Variants in CASK observed in about 807,000 individuals in gnomAD.
CASK encodes the protein calcium/calmodulin dependent serine protein kinase.
Under a neutral mutation model 82.9 loss-of-function variants are expected in CASK, and 4 were observed. That is an observed-to-expected ratio of 0.05 (90% CI 0.02 to 0.11). The LOEUF is 0.11. CASK is among the 10% of genes least tolerant of loss of function. The pLI, the probability that CASK is intolerant of heterozygous loss-of-function variation, is 1.00. For synonymous variants in CASK, 259 were observed against 253.5 expected (o/e 1.02, Z -0.20); for missense variants, 358 against 720.9 (o/e 0.50, Z 5.76).
chrX:41,720,362 C>T (rs2068143352), intron 5 of CASK, among the ~76,000 whole-genome samples: 1 of 112,464 alleles, frequency 8.9e-6, no homozygotes, highest in Admixed American at 9.4e-5. Context: ...GCTCAGTGAG[C>T]CTTGAACAAA....
intron 1 of CASK, among the ~76,000 whole-genome samples, chrX:41,901,465 C>A (rs2072378616): frequency 9.7e-6 from 1 of 103,026 alleles, no homozygotes. Context: ...CCAGCCTGGG[C>A]AACAGAGTGA....
At chrX:41,780,237 A>C (rs2147816273) in intron 3 of CASK, among the ~76,000 whole-genome samples, 1 of 112,424 alleles carries the variant, frequency 8.9e-6, no homozygotes, top group Admixed American at 9.5e-5. Context: ...CCTGTCTTCA[A>C]AACTGAACCT....
chrX:41,814,759 C>T (rs905633620), intron 2 of CASK, among the ~76,000 whole-genome samples: 23 of 110,970 alleles, frequency 2.1e-4, no homozygotes, highest in Admixed American at 1.3e-3. Context: ...AAAAGAAATG[C>T]AAATAAAGAT....
chrX:41,795,863 T>A (rs1337472004), intron 2 of CASK, among the ~76,000 whole-genome samples: 1 of 110,483 alleles, frequency 9.1e-6, no homozygotes, highest in Non-Finnish European at 1.9e-5. Context: ...CATTTAGCAT[T>A]GATGACACAA....
chrX:41,543,819 C>G (rs1438864953), intron 21 of CASK, among the ~76,000 whole-genome samples: 1 of 112,153 alleles, frequency 8.9e-6, no homozygotes, highest in Non-Finnish European at 1.9e-5. Flanking sequence ...ATTTACACTC[C>G]TACCAGCAGT....
At chrX:41,702,891 C>T (rs931815236) in intron 5 of CASK, among the ~76,000 whole-genome samples, 6 of 111,891 alleles carry the variant, frequency 5.4e-5, no homozygotes, top group African/African-American at 1.6e-4. Context: ...GAAACATGTA[C>T]GATAATCCAG....
intron 2 of CASK, among the ~76,000 whole-genome samples, chrX:41,807,360 C>T (rs983850239): frequency 9.0e-6 from 1 of 111,570 alleles, no homozygotes. Flanking sequence ...TCAGAACCTA[C>T]CCATAAATGT....
At chrX:41,804,936 G>T (rs2070086285) in intron 2 of CASK, among the ~76,000 whole-genome samples, 1 of 111,820 alleles carries the variant, frequency 8.9e-6, no homozygotes. Context: ...TCAGGTCTGG[G>T]ATACTCTAAT....
At chrX:41,579,964 C>G (rs1039677639) in intron 14 of CASK, among the ~76,000 whole-genome samples, 6 of 111,562 alleles carry the variant, frequency 5.4e-5, no homozygotes. Flanking sequence ...TCTCAGAAGG[C>G]TGGTCTAAAC....
intron 12 of CASK, among the ~76,000 whole-genome samples, chrX:41,591,177 A>G (rs1358605285): frequency 8.9e-6 from 1 of 111,876 alleles, no homozygotes; most frequent in Non-Finnish European, 1.9e-5. Context: ...AATGCTTTCT[A>G]TCTCTAAAGA....
intron 2 of CASK, among the ~76,000 whole-genome samples, chrX:41,822,204 C>T (rs2070558455): frequency 8.9e-6 from 1 of 112,203 alleles, no homozygotes; most frequent in Non-Finnish European, 1.9e-5. Flanking sequence ...TTGTATTGCA[C>T]CTTCTTATTT....
chrX:41,685,532 G>A (rs1033660780), intron 5 of CASK, among the ~76,000 whole-genome samples: 2 of 111,678 alleles, frequency 1.8e-5, no homozygotes, highest in Non-Finnish European at 3.8e-5. Flanking sequence ...CCAGGCTAGA[G>A]TGCAGTGGCA....
chrX:41,811,580 T>C (rs2070287612), intron 2 of CASK, among the ~76,000 whole-genome samples: 1 of 112,268 alleles, frequency 8.9e-6, no homozygotes, highest in Non-Finnish European at 1.9e-5. Flanking sequence ...CTGGGACACA[T>C]TTAAAGTAGT....
rs76783862 is a variant in CASK at position 41,687,965 on chromosome X, CAAAAAAAAAAA to C, written c.430-16446_430-16436del. 1.2e-4 allele frequency among the ~76,000 whole-genome samples: 3 copies of C among 24,580 alleles called. No individual in the cohort carries two copies. The Admixed American group carries it at 1.5e-3, about 12-fold the overall frequency. The allele number at this position is 24,580 out of a possible 115,157, so 21.3% of individuals were successfully genotyped here. A position where few individuals can be genotyped will look rare whatever the true frequency, so the allele number is the denominator to read the frequency against. Reference sequence around the variant, plus strand: ...GGGCAACAAGAGCGAAACTCCGTCTCAAAAAAAAAAAAAAAAAAAAAAGTTAAGATGGTAAA... The same window carrying C: ...GGGCAACAAGAGCGAAACTCCGTCTCAAAAAAAAAAAGTTAAGATGGTAAA... On this transcript the variant is annotated intron_variant, in intron 5 of 26. Coordinates refer to ENST00000378163, the MANE Select transcript of CASK (RefSeq NM_001367721.1).
intron 3 of CASK, among the ~76,000 whole-genome samples, chrX:41,767,721 T>C (rs1288096130): frequency 9.0e-6 from 1 of 111,594 alleles, no homozygotes; most frequent in Non-Finnish European, 1.9e-5. Context: ...GTTTGTCTGA[T>C]GTCTCCCTCT....
chrX:41,761,931 A>G (rs779384230), intron 3 of CASK, among the ~76,000 whole-genome samples: 52 of 112,206 alleles, frequency 4.6e-4, no homozygotes, highest in South Asian at 1.1e-3. Flanking sequence ...CTGAAATAAG[A>G]TACTGAAGGT....
chrX:41,888,368 C>G (rs2072086174), intron 1 of CASK, among the ~76,000 whole-genome samples: 1 of 110,095 alleles, frequency 9.1e-6, no homozygotes, highest in African/African-American at 3.3e-5. Context: ...ATGCACCCAT[C>G]ACCCAAGCAG....
chrX:41,822,785 A>G (rs2070578247), intron 2 of CASK, among the ~76,000 whole-genome samples: 1 of 108,962 alleles, frequency 9.2e-6, no homozygotes, highest in African/African-American at 3.4e-5. Context: ...CAACTAGAAT[A>G]TGTTTGATGC....
chrX:41,882,903 T>C (rs1374958942), intron 1 of CASK, among the ~76,000 whole-genome samples: 1 of 111,950 alleles, frequency 8.9e-6, no homozygotes, highest in Non-Finnish European at 1.9e-5. Context: ...AAAAATCATT[T>C]CCCTTAGTCC....
Sources: gnomAD v4.1 joint callset for allele counts (sites outside exome capture counted in the v4.1 genomes callset) on GRCh38, gnomAD v4.1.1 for gene constraint, MANE v1.5 for transcripts, NCBI Gene and HGNC (gene_info 2026-07-23, HGNC 2026-07-21) for gene names.